MAGI2: variants seen among roughly 807,000 people sequenced by gnomAD.
MAGI2 encodes the protein membrane-associated guanylate kinase, WW and PDZ domain-containing protein 2.
Under a neutral mutation model 133.3 loss-of-function variants are expected in MAGI2, and 35 were observed. The ratio of observed to expected loss-of-function variants is 0.26; its 90% confidence interval spans 0.20 to 0.35. The LOEUF (loss-of-function observed/expected upper bound fraction) is 0.35, where lower values mean the gene tolerates loss of function less well. Ranked by LOEUF, MAGI2 falls within the 10% of genes least tolerant of loss-of-function variation. The pLI is 1.00. For synonymous variants in MAGI2, 729 were observed against 710.6 expected (o/e 1.03, Z -0.41); for missense variants, 1,636 against 1,863.4 (o/e 0.88, Z 2.25).
intron 6 of MAGI2, among the ~76,000 whole-genome samples, chr7:78,418,431 G>A (rs1252036690): frequency 6.6e-6 from 1 of 152,074 alleles, no homozygotes; most frequent in African/African-American, 2.4e-5. Flanking sequence ...GCTGAAAGGA[G>A]AACAGTGGTA....
rs943022301 is a variant in MAGI2 at position 79,373,479 on chromosome 7, C to T, written c.301+79541G>A. On this transcript the variant is annotated intron_variant, in intron 1 of 21. Coordinates refer to ENST00000354212, the MANE Select transcript of MAGI2 (RefSeq NM_012301.4). ...AATAATTATGTATAAGAAGAATTAT[C>T]TATTAAATTTGTGTTAAAGTATGAG... 5.3e-5 allele frequency among the ~76,000 whole-genome samples: 8 copies of T among 151,790 alleles called. No individual in the cohort carries two copies. In the Admixed American group the frequency reaches 5.3e-4, roughly 10 times the overall value.
At chr7:78,187,669 C>T (rs1387718545) in intron 12 of MAGI2, among the ~76,000 whole-genome samples, 1 of 152,138 alleles carries the variant, frequency 6.6e-6, no homozygotes, top group Admixed American at 6.6e-5. Flanking sequence ...AGCTTTCTGG[C>T]ACAATTGTTA....
At chr7:78,881,126 G>T (rs1795808004) in intron 2 of MAGI2, among the ~76,000 whole-genome samples, 1 of 152,102 alleles carries the variant, frequency 6.6e-6, no homozygotes, top group African/African-American at 2.4e-5. Context: ...AATAGTGGGG[G>T]ATTTCAATAC....
At chr7:79,034,280 GT>G (rs1402916339) in intron 1 of MAGI2, among the ~76,000 whole-genome samples, 2 of 151,722 alleles carry the variant, frequency 1.3e-5, no homozygotes, top group African/African-American at 4.8e-5. Context: ...TAAAAATATT[GT>G]TATGTTTGAC....
intron 1 of MAGI2, among the ~76,000 whole-genome samples, chr7:79,170,463 A>G (rs1825419559): frequency 6.6e-6 from 1 of 151,988 alleles, no homozygotes; most frequent in African/African-American, 2.4e-5. Context: ...GGTGTGTGCC[A>G]CTGCGCCCAG....
chr7:78,420,213 C>A (rs556047348), intron 6 of MAGI2, among the ~76,000 whole-genome samples: 49 of 152,282 alleles, frequency 3.2e-4, no homozygotes, highest in African/African-American at 1.1e-3. Context: ...AAATCTAACA[C>A]TTGAATAAAG....
At chr7:78,190,811 G>A (rs995320542) in intron 12 of MAGI2, among the ~76,000 whole-genome samples, 22 of 152,202 alleles carry the variant, frequency 1.4e-4, no homozygotes, top group Non-Finnish European at 3.1e-4. Context: ...CATTCCTGTT[G>A]TGACTGTAAA....
At chr7:78,978,203 A>G (rs1287416731) in intron 2 of MAGI2, among the ~76,000 whole-genome samples, 3 of 151,834 alleles carry the variant, frequency 2.0e-5, no homozygotes, top group Non-Finnish European at 4.4e-5. Flanking sequence ...TTATGTTAAC[A>G]CAAAAATTTG....
At chr7:79,126,273 A>G (rs1001477064) in intron 1 of MAGI2, among the ~76,000 whole-genome samples, 1 of 151,874 alleles carries the variant, frequency 6.6e-6, no homozygotes, top group African/African-American at 2.4e-5. Flanking sequence ...TGCTTCCCAG[A>G]CTCCTGGTTG....
chr7:79,073,915 T>C (rs1584863401), intron 1 of MAGI2, among the ~76,000 whole-genome samples: 1 of 152,064 alleles, frequency 6.6e-6, no homozygotes, highest in Admixed American at 6.6e-5. Context: ...GTCTTATTCT[T>C]ATTAATCTTT....
chr7:78,317,046 C>G (rs1787485474), intron 9 of MAGI2, among the ~76,000 whole-genome samples: 1 of 152,208 alleles, frequency 6.6e-6, no homozygotes, highest in Admixed American at 6.5e-5. Context: ...AATGGCACAA[C>G]ACATCTATTT....
chr7:78,781,380 C>CAAAAAAAAA (rs748533885), intron 2 of MAGI2, among the ~76,000 whole-genome samples: 12 of 100,990 alleles, frequency 1.2e-4, no homozygotes, highest in African/African-American at 1.6e-4. Flanking sequence ...CTCCGTCTCA[C>CAAAAAAAAA]AAAAAAAAAA....
chr7:78,573,059 A>G (rs1352623393), intron 3 of MAGI2, among the ~76,000 whole-genome samples: 13 of 104,572 alleles, frequency 1.2e-4, no homozygotes, highest in Non-Finnish European at 1.7e-4. Context: ...ATATATATAT[A>G]TATATATATA....
At position 78,655,949 on chromosome 7, in the gene MAGI2, C is replaced by G. The variant is rs1452748373; in HGVS notation, c.419-28710G>C. Among the ~76,000 whole-genome samples, 13 of 142,642 alleles carry G rather than the reference C, an allele frequency of 9.1e-5. No homozygotes were observed. The Admixed American group carries it at 9.6e-4, about 11-fold the overall frequency. 93.6% of individuals were successfully genotyped at this position (142,642 alleles called of 152,430 possible). A position where few individuals can be genotyped will look rare whatever the true frequency, so the allele number is the denominator to read the frequency against. On this transcript the variant is annotated intron_variant, in intron 2 of 21. Coordinates refer to ENST00000354212, the MANE Select transcript of MAGI2 (RefSeq NM_012301.4). ...TGAGCCGAGATCGCGCCACTGCACT[C>G]CAGCCTGGGCGACAGAGCAAGACTC...
intron 2 of MAGI2, chr7:78,946,638 A>G (rs1206576289): frequency 6.6e-6 from 1 of 152,160 alleles, no homozygotes; most frequent in Non-Finnish European, 1.5e-5. Flanking sequence ...GGTGGGTATA[A>G]ACTGAAATTT....
intron 2 of MAGI2, among the ~76,000 whole-genome samples, chr7:78,777,622 A>G (rs1826089479): frequency 6.6e-6 from 1 of 152,210 alleles, no homozygotes; most frequent in African/African-American, 2.4e-5. Context: ...GTTCTAAATA[A>G]GTACAAAGTA....
At position 79,233,849 on chromosome 7, in the gene MAGI2, G is replaced by T. The variant is rs1831616820; in HGVS notation, c.301+219171C>A. ...TGATCCTGTCATTATGATGTTAGCT[G>T]GTGATTTTGCTTGTTAGTTGATGCA... On this transcript the variant is annotated intron_variant, in intron 1 of 21. Transcript: ENST00000354212. 3.3e-5 allele frequency among the ~76,000 whole-genome samples: 5 copies of T among 151,372 alleles called. No individual in the cohort carries two copies. In the South Asian group the frequency reaches 1.1e-3, roughly 32 times the overall value.
At chr7:79,261,977 A>G (rs1834123606) in intron 1 of MAGI2, among the ~76,000 whole-genome samples, 1 of 152,202 alleles carries the variant, frequency 6.6e-6, no homozygotes, top group Non-Finnish European at 1.5e-5. Flanking sequence ...TCAACCACTG[A>G]CTACTTAACT....
chr7:78,866,791 G>A (rs1243465934), intron 2 of MAGI2, among the ~76,000 whole-genome samples: 1 of 152,110 alleles, frequency 6.6e-6, no homozygotes, highest in Non-Finnish European at 1.5e-5. Context: ...AAGGGGGACA[G>A]AGAAAAACAA....
Sources: allele counts gnomAD v4.1 joint callset (sites outside exome capture counted in the v4.1 genomes callset), GRCh38; gene constraint gnomAD v4.1.1; transcripts MANE v1.5; gene names NCBI Gene and HGNC (gene_info 2026-07-23, HGNC 2026-07-21).